ISY1: variants seen among roughly 807,000 people sequenced by gnomAD.
ISY1 encodes the protein pre-mRNA-splicing factor ISY1 homolog.
Under a neutral mutation model 54.4 loss-of-function variants are expected in ISY1, and 12 were observed. The observed-to-expected ratio is 0.22, with a 90% confidence interval of 0.14 to 0.36. The LOEUF is 0.36. Among genes scored for constraint, ISY1 ranks in the 10% least tolerant of loss-of-function variants. The probability of loss-of-function intolerance (pLI) is 1.00; values close to 1 mark genes in which losing one functional copy is unlikely to be tolerated. For synonymous variants in ISY1, 96 were observed against 117.9 expected, an observed-to-expected ratio of 0.81 and a Z score of 1.20; for missense variants, 282 against 342.2, an observed-to-expected ratio of 0.82 and a Z score of 1.39.
intron 6 of ISY1, among the ~76,000 whole-genome samples, chr3:129,143,079 G>A (rs1400207813): frequency 6.6e-6 from 1 of 152,068 alleles, no homozygotes; most frequent in Non-Finnish European, 1.5e-5. Context: ...GCTGAGCATG[G>A]TGGCACACAC....
chr3:129,137,805 G>C (rs1443714912), intron 7 of ISY1, among the ~76,000 whole-genome samples: 1 of 144,234 alleles, frequency 6.9e-6, no homozygotes, highest in Non-Finnish European at 1.5e-5. Context: ...CCAGCTACTC[G>C]GGAGGCTGAG....
At chr3:129,151,566 T>A (rs1487272765) in intron 5 of ISY1, among the ~76,000 whole-genome samples, 1 of 151,826 alleles carries the variant, frequency 6.6e-6, no homozygotes, top group East Asian at 1.9e-4. Flanking sequence ...GGGACAGAGG[T>A]TGCAGTGAGC....
Position 129,129,754 on chromosome 3 carries a change from C to T in ISY1, c.*327G>A, listed in dbSNP as rs771859041. 45 of 218,262 alleles carry T rather than the reference C, an allele frequency of 2.1e-4. 1 individual carries two copies. The highest frequency in any genetic ancestry group is 3.5e-4 in the Non-Finnish European group (39 of 112,150). 13.5% of individuals were successfully genotyped at this position (218,262 alleles called of 1,614,324 possible). A position where few individuals can be genotyped will look rare whatever the true frequency, so the allele number is the denominator to read the frequency against. ...TTATACTTTGGTCTGCAAAAAATTG[C>T]ATTTTTAAATGTTTGCCACTAATTG... On this transcript the variant is annotated 3_prime_UTR_variant, in exon 11 of 11. Coordinates refer to ENST00000393295, the MANE Select transcript of ISY1 (RefSeq NM_020701.4).
chr3:129,138,484 A>G lies in ISY1; in HGVS notation c.418+1884T>C, dbSNP rs535312061. Among the ~76,000 whole-genome samples the G allele has an allele frequency of 3.9e-5, 6 of 151,974 alleles. No individual in the cohort carries two copies. In the East Asian group the frequency reaches 1.2e-3, roughly 29 times the overall value. On this transcript the variant is annotated intron_variant, in intron 7 of 10. Transcript: ENST00000393295. ...CCCCGTCTCTACTAAAAATACAAAA[A>G]AAAAATAAAATTAGCTGGGCATGGT...
At chr3:129,147,926 G>T (rs1351276400) in intron 5 of ISY1, among the ~76,000 whole-genome samples, 1 of 151,960 alleles carries the variant, frequency 6.6e-6, no homozygotes, top group African/African-American at 2.4e-5. Context: ...AGGCTGAGTT[G>T]AAATGTTTTA....
In ISY1 at chr3:129,129,166, A is replaced by G. The variant is rs1936171063; in HGVS notation, c.*915T>C. 6.6e-6 allele frequency: 1 copy of G among 152,194 alleles called. No individual in the cohort carries two copies. The highest frequency in any genetic ancestry group is 6.6e-5 in the Admixed American group (1 of 15,260). The allele number at this position is 152,194 out of a possible 1,614,324, so 9.4% of individuals were successfully genotyped here. Reference sequence around the variant, plus strand: ...CTCAGAGCCGTTGGCCCAGGGAACAAGCTGAAGACATGGAGGTTTCCCTTT... The same window carrying G: ...CTCAGAGCCGTTGGCCCAGGGAACAGGCTGAAGACATGGAGGTTTCCCTTT... On this transcript the variant is annotated 3_prime_UTR_variant, in exon 11 of 11. Transcript: ENST00000393295.
intron 2 of ISY1, among the ~76,000 whole-genome samples, chr3:129,158,813 C>G (rs1320839804): frequency 6.6e-6 from 1 of 152,144 alleles, no homozygotes; most frequent in Non-Finnish European, 1.5e-5. Context: ...CTGTGGGAAA[C>G]TCTACTTATC....
chr3:129,134,051 C>A (rs1560013507), intron 9 of ISY1, 23 bp downstream of exon 9: 1 of 1,613,324 alleles, frequency 6.2e-7, no homozygotes, highest in Admixed American at 1.7e-5. Context: ...GCAGTGAGTG[C>A]CAGAGGGGGC....
Position 129,154,205 on chromosome 3 carries a change from T to A in ISY1, c.187+2428A>T, listed in dbSNP as rs188507895. ...CTGCAGTGAGCTGAGATGGCGCCACTGCACTCCAGCCTGGGTGACAGAGCG... is the reference window on the plus strand; with the variant it reads ...CTGCAGTGAGCTGAGATGGCGCCACAGCACTCCAGCCTGGGTGACAGAGCG... On this transcript the variant is annotated intron_variant, in intron 5 of 10. Transcript: ENST00000393295. Among the ~76,000 whole-genome samples the A allele has an allele frequency of 5.9e-3, 821 of 139,076 alleles. 4 individuals carry two copies. The highest frequency in any genetic ancestry group is 0.016 in the African/African-American group (576 of 36,432). 91.2% of individuals were successfully genotyped at this position (139,076 alleles called of 152,430 possible).
chr3:129,160,918 G>GGCCCGGGGGGGGGGGGGGGCCCCCCCC, intron 1 of ISY1, 55 bp downstream of exon 1: 1 of 666,128 alleles, frequency 1.5e-6, no homozygotes, highest in Non-Finnish European at 2.7e-6. Context: ...TGGACTGGGC[G>GGCCCGGGGGGGGGGGGGGGCCCCCCCC]CCCCCCCGCC....
intron 7 of ISY1, among the ~76,000 whole-genome samples, chr3:129,135,204 G>T (rs1376199465): frequency 6.6e-6 from 1 of 151,808 alleles, no homozygotes; most frequent in Non-Finnish European, 1.5e-5. Flanking sequence ...AAAATTAGCC[G>T]GGCGTGGTGG....
At chr3:129,156,354 GCAC>G (rs1263248424) in intron 5 of ISY1, among the ~76,000 whole-genome samples, 3 of 142,060 alleles carry the variant, frequency 2.1e-5, no homozygotes, top group African/African-American at 7.8e-5. Flanking sequence ...AGCCGAGATC[GCAC>G]CACTGCACTC....
intron 5 of ISY1, among the ~76,000 whole-genome samples, chr3:129,155,234 T>TG (rs1333008490): frequency 1.3e-5 from 2 of 151,506 alleles, no homozygotes; most frequent in Non-Finnish European, 2.9e-5. Context: ...TGTTTTGAGA[T>TG]GGAGTCCTGG....
chr3:129,157,427 AC>A (rs1245084808), intron 3 of ISY1, among the ~76,000 whole-genome samples: 1 of 152,070 alleles, frequency 6.6e-6, no homozygotes, highest in East Asian at 1.9e-4. Flanking sequence ...GTAATAAAGG[AC>A]CCAGTCATCA....
intron 5 of ISY1, among the ~76,000 whole-genome samples, chr3:129,148,002 T>C (rs1936825917): frequency 6.6e-6 from 1 of 152,140 alleles, no homozygotes; most frequent in African/African-American, 2.4e-5. Flanking sequence ...ATTATTATTA[T>C]TATTTACAGA....
chr3:129,145,976 A>G (rs1560018885), intron 5 of ISY1, 103 bp from the exon 6 acceptor site: 1 of 1,060,418 alleles, frequency 9.4e-7, no homozygotes, highest in Non-Finnish European at 1.4e-6. Flanking sequence ...GTCAACACCT[A>G]CAAAGGTATA....
intron 6 of ISY1, 61 bp from the exon 7 acceptor site, chr3:129,140,546 T>A: frequency 6.7e-7 from 1 of 1,502,724 alleles, no homozygotes; most frequent in Non-Finnish European, 9.0e-7. Flanking sequence ...TTATTATTTA[T>A]TTATTTATTT....
chr3:129,159,561 C>T (rs1232699109), intron 1 of ISY1, among the ~76,000 whole-genome samples: 3 of 152,156 alleles, frequency 2.0e-5, no homozygotes, highest in Non-Finnish European at 4.4e-5. Flanking sequence ...ATTGCCTGTT[C>T]CCTGCCAGTG....
chr3:129,160,082 G>A (rs1019462703), intron 1 of ISY1, among the ~76,000 whole-genome samples: 10 of 151,800 alleles, frequency 6.6e-5, no homozygotes, highest in Admixed American at 2.6e-4. Context: ...CTGGAGTGCA[G>A]TGGCGCGATC....
Sources: allele counts gnomAD v4.1 joint callset (sites outside exome capture counted in the v4.1 genomes callset), GRCh38; gene constraint gnomAD v4.1.1; transcripts MANE v1.5; gene names NCBI Gene and HGNC (gene_info 2026-07-23, HGNC 2026-07-21).